SMYD3: variants seen among roughly 807,000 people sequenced by gnomAD.
The protein encoded by SMYD3 is SET and MYND domain containing 3.
SMYD3 carries 36 observed loss-of-function variants against 57.7 expected under a neutral mutation model. That is an observed-to-expected ratio of 0.62 (90% CI 0.48 to 0.82). The LOEUF (loss-of-function observed/expected upper bound fraction) is 0.82, where lower values mean the gene tolerates loss of function less well. Ranked by LOEUF, SMYD3 falls within the 40% of genes least tolerant of loss-of-function variation. SMYD3 has a pLI of 0.00. For missense variants in SMYD3, 515 were observed against 538.8 expected (o/e 0.96, Z 0.44); for synonymous variants, 211 against 195.0 (o/e 1.08, Z -0.68).
intron 1 of SMYD3, among the ~76,000 whole-genome samples, chr1:246,372,691 C>A (rs754041787): frequency 6.6e-6 from 1 of 152,102 alleles, no homozygotes; most frequent in African/African-American, 2.4e-5. Context: ...GCCAACATGG[C>A]GAAACCCCAT....
chr1:246,301,271 A>G (rs777650896), intron 5 of SMYD3, among the ~76,000 whole-genome samples: 7 of 152,188 alleles, frequency 4.6e-5, no homozygotes, highest in Non-Finnish European at 1.0e-4. Context: ...CGACAGATTC[A>G]AATCAGCAAA....
At chr1:246,088,269 TTCTC>T (rs2060754854) in intron 5 of SMYD3, among the ~76,000 whole-genome samples, 1 of 151,810 alleles carries the variant, frequency 6.6e-6, no homozygotes, top group East Asian at 1.9e-4. Flanking sequence ...CTCTCCTTCT[TTCTC>T]TTTCTTTCTC....
intron 5 of SMYD3, among the ~76,000 whole-genome samples, chr1:246,263,667 G>A (rs1422572022): frequency 6.6e-6 from 1 of 152,090 alleles, no homozygotes; most frequent in Non-Finnish European, 1.5e-5. Flanking sequence ...GTAAAAATGG[G>A]AAAATTACTG....
intron 5 of SMYD3, among the ~76,000 whole-genome samples, chr1:246,114,640 T>A (rs180873367): frequency 1.2e-3 from 180 of 152,230 alleles, no homozygotes; most frequent in African/African-American, 4.0e-3. Context: ...GTTTTTGTTG[T>A]TGTTGTTTCG....
At chr1:246,011,408 A>C (rs1015181147) in intron 5 of SMYD3, among the ~76,000 whole-genome samples, 28 of 152,258 alleles carry the variant, frequency 1.8e-4, no homozygotes, top group African/African-American at 6.8e-4. Flanking sequence ...ATAATGGTTT[A>C]GCATGGTCAG....
At chr1:246,293,013 G>C (rs1011399821) in intron 5 of SMYD3, among the ~76,000 whole-genome samples, 3 of 151,852 alleles carry the variant, frequency 2.0e-5, no homozygotes, top group Non-Finnish European at 2.9e-5. Context: ...ATATTTGGTG[G>C]GTAAATGTAT....
intron 5 of SMYD3, among the ~76,000 whole-genome samples, chr1:246,288,594 A>C (rs566736786): frequency 3.5e-4 from 54 of 152,314 alleles, no homozygotes; most frequent in Non-Finnish European, 7.5e-4. Context: ...GCAGAAGAGA[A>C]TCAGGACCAG....
In SMYD3 at chr1:245,769,808, C is replaced by G. The variant is rs142269676; in HGVS notation, c.1077-5659G>C. Among the ~76,000 whole-genome samples the G allele has an allele frequency of 8.2e-3, 1,240 of 151,874 alleles. 26 individuals are homozygous for G. Among genetic ancestry groups the G allele is most frequent in the Non-Finnish European group, 7.5e-3 (511 of 67,974 alleles). ...CCTCTGTATGCACAAGACGTTAGTT[C>G]CAGGATCCCCACAAATACCAACATC... On this transcript the variant is annotated intron_variant, in intron 10 of 11. Transcript: ENST00000490107.
chr1:246,025,822 G>C (rs181750190), intron 5 of SMYD3: 1 of 152,242 alleles, frequency 6.6e-6, no homozygotes, highest in Admixed American at 6.5e-5. Context: ...CTATATGTGA[G>C]AGTCCCAAGT....
chr1:246,225,671 G>A (rs909025802), intron 5 of SMYD3, among the ~76,000 whole-genome samples: 58 of 152,078 alleles, frequency 3.8e-4, no homozygotes, highest in Admixed American at 3.8e-3. Context: ...TTTCCTCTTC[G>A]AGTCATTCTG....
At chr1:246,366,134 C>T (rs888415761) in intron 1 of SMYD3, among the ~76,000 whole-genome samples, 14 of 152,184 alleles carry the variant, frequency 9.2e-5, no homozygotes, top group African/African-American at 3.4e-4. Context: ...ATCAATCCTT[C>T]ATTTCCTCCT....
intron 5 of SMYD3, among the ~76,000 whole-genome samples, chr1:246,309,183 TAAAAA>T (rs111396654): frequency 6.6e-6 from 1 of 151,956 alleles, no homozygotes; most frequent in East Asian, 1.9e-4. Flanking sequence ...GCTTAATTGT[TAAAAA>T]AAAGTTTAAT....
At chr1:246,346,935 G>A (rs947339255) in intron 2 of SMYD3, among the ~76,000 whole-genome samples, 1 of 152,134 alleles carries the variant, frequency 6.6e-6, no homozygotes, top group South Asian at 2.1e-4. Flanking sequence ...TGGAAAAGGA[G>A]ACAGCATGCA....
At chr1:246,111,993 T>G (rs1000035473) in intron 5 of SMYD3, among the ~76,000 whole-genome samples, 3 of 152,202 alleles carry the variant, frequency 2.0e-5, no homozygotes, top group African/African-American at 7.2e-5. Flanking sequence ...GGGGGATGAT[T>G]ATCCTGGATA....
rs562198158 is a variant in SMYD3 at position 246,074,364 on chromosome 1, T to A, written c.532-144427A>T. On this transcript the variant is annotated intron_variant, in intron 5 of 11. Coordinates refer to ENST00000490107, the MANE Select transcript of SMYD3 (RefSeq NM_001167740.2). Reference sequence around the variant, plus strand: ...TTTTTTATTGGTTTGCCAAAAAAAATTAAAAAAAAAAAACAAACTGTGAAC... The same window carrying A: ...TTTTTTATTGGTTTGCCAAAAAAAAATAAAAAAAAAAAACAAACTGTGAAC... 7.7e-5 allele frequency among the ~76,000 whole-genome samples: 11 copies of A among 142,206 alleles called. No homozygotes were observed. The East Asian group carries it at 2.3e-3, about 29-fold the overall frequency. 93.3% of individuals were successfully genotyped at this position (142,206 alleles called of 152,430 possible).
intron 10 of SMYD3, among the ~76,000 whole-genome samples, chr1:245,853,230 C>T (rs1051924707): frequency 6.6e-5 from 10 of 152,146 alleles, no homozygotes; most frequent in African/African-American, 1.2e-4. Context: ...GGTCCTACTC[C>T]ATGAGCATGG....
At chr1:246,218,206 T>G (rs1162957837) in intron 5 of SMYD3, among the ~76,000 whole-genome samples, 1 of 150,646 alleles carries the variant, frequency 6.6e-6, no homozygotes, top group Non-Finnish European at 1.5e-5. Context: ...AAAACTGATT[T>G]CAATACATAC....
chr1:245,842,968 C>T (rs755633631), intron 10 of SMYD3, among the ~76,000 whole-genome samples: 6 of 152,172 alleles, frequency 3.9e-5, no homozygotes, highest in Admixed American at 6.5e-5. Context: ...ACTTTGGCCT[C>T]CCAAAGCACT....
At chr1:246,138,965 C>T (rs905310712) in intron 5 of SMYD3, among the ~76,000 whole-genome samples, 3 of 152,164 alleles carry the variant, frequency 2.0e-5, no homozygotes, top group Non-Finnish European at 4.4e-5. Context: ...TCACAGCAGC[C>T]ACCAAACCCC....
Sources: gnomAD v4.1 joint callset for allele counts (sites outside exome capture counted in the v4.1 genomes callset) on GRCh38, gnomAD v4.1.1 for gene constraint, MANE v1.5 for transcripts, NCBI Gene and HGNC (gene_info 2026-07-23, HGNC 2026-07-21) for gene names.